PAPPA: variants seen among roughly 807,000 people sequenced by gnomAD.
The protein encoded by PAPPA is pappalysin-1.
In PAPPA, 60 loss-of-function variants were observed where a neutral mutation model predicts 164.0. The observed-to-expected ratio is 0.37, with a 90% confidence interval of 0.30 to 0.45. PAPPA has a LOEUF of 0.45. PAPPA is among the 20% of genes least tolerant of loss of function. PAPPA has a pLI of 1.00. For missense variants in PAPPA, 1,782 were observed against 2,087.3 expected, an observed-to-expected ratio of 0.85 and a Z score of 2.85; for synonymous variants, 875 against 814.1, an observed-to-expected ratio of 1.07 and a Z score of -1.27.
At chr9:116,186,642 G>A (rs937071585) in intron 1 of PAPPA, among the ~76,000 whole-genome samples, 2 of 152,038 alleles carry the variant, frequency 1.3e-5, no homozygotes, top group Non-Finnish European at 2.9e-5. Context: ...TGGTAACTAT[G>A]GTAGGGACCT....
intron 7 of PAPPA, among the ~76,000 whole-genome samples, chr9:116,251,004 T>TAG (rs1440958767): frequency 6.6e-6 from 1 of 152,096 alleles, no homozygotes; most frequent in African/African-American, 2.4e-5. Context: ...GGGGTTGGTA[T>TAG]AGGAAATGAG....
At position 116,344,714 on chromosome 9, in the gene PAPPA, A is replaced by G. The variant is rs775128692; in HGVS notation, c.3780+3A>G. On this transcript the variant is annotated splice_donor_region_variant and intron_variant, in intron 14 of 21. Coordinates refer to ENST00000328252, the MANE Select transcript of PAPPA (RefSeq NM_002581.5). ...ATGATGAGCTGATCAAGAGCCAGGT[A>G]TGTGCAGGTGCTGAGCTCAGAGCCT... is the stretch of plus-strand genomic sequence containing the variant. The G allele has an allele frequency of 3.7e-6, 6 of 1,612,688 alleles. No individual in the cohort carries two copies. The highest frequency in any genetic ancestry group is 5.1e-6 in the Non-Finnish European group (6 of 1,179,112).
intron 6 of PAPPA, among the ~76,000 whole-genome samples, chr9:116,231,159 T>C: frequency 6.6e-6 from 1 of 152,184 alleles, no homozygotes; most frequent in African/African-American, 2.4e-5. Context: ...TATAAATATA[T>C]GTCTATACAC....
intron 1 of PAPPA, among the ~76,000 whole-genome samples, chr9:116,175,848 C>T (rs1843827868): frequency 6.6e-6 from 1 of 151,898 alleles, no homozygotes; most frequent in Non-Finnish European, 1.5e-5. Flanking sequence ...GTGATCATTG[C>T]CATGAAAAAA....
intron 17 of PAPPA, among the ~76,000 whole-genome samples, chr9:116,357,163 A>G (rs1000794052): frequency 1.3e-5 from 2 of 152,256 alleles, no homozygotes; most frequent in Non-Finnish European, 2.9e-5. Flanking sequence ...TATCTGTGCC[A>G]GGCAAATGAT....
At position 116,378,471 on chromosome 9, in the gene PAPPA, T is replaced by C. The variant is rs370391186; in HGVS notation, c.4677+824T>C. The stretch of plus-strand genomic sequence containing the variant: ...TCTCTGTGGTTCATCCAGAGCCCAC[T>C]GAGGCAAACGCAGGTGAAAAGGATC... On this transcript the variant is annotated intron_variant, in intron 20 of 21. Coordinates refer to ENST00000328252, the MANE Select transcript of PAPPA (RefSeq NM_002581.5). Among the ~76,000 whole-genome samples the C allele has an allele frequency of 5.4e-4, 83 of 152,312 alleles. 1 individual carries two copies. In the South Asian group the frequency reaches 8.1e-3, roughly 15 times the overall value.
At chr9:116,351,657 A>G (rs1846283934) in intron 15 of PAPPA, among the ~76,000 whole-genome samples, 1 of 152,214 alleles carries the variant, frequency 6.6e-6, no homozygotes, top group Non-Finnish European at 1.5e-5. Flanking sequence ...TTTGCCAACT[A>G]TGATAACTTG....
intron 13 of PAPPA, among the ~76,000 whole-genome samples, chr9:116,343,572 A>T (rs1198230213): frequency 6.6e-6 from 1 of 152,144 alleles, no homozygotes; most frequent in Non-Finnish European, 1.5e-5. Flanking sequence ...AATGATGTGT[A>T]AGTTATCTTA....
chr9:116,366,503 C>T (rs1020279829), intron 18 of PAPPA, among the ~76,000 whole-genome samples: 3 of 152,210 alleles, frequency 2.0e-5, no homozygotes, highest in Non-Finnish European at 2.9e-5. Flanking sequence ...CTTCATACGA[C>T]ACCTAAATGC....
At chr9:116,320,801 C>T (rs186154059) in intron 10 of PAPPA, among the ~76,000 whole-genome samples, 3 of 152,088 alleles carry the variant, frequency 2.0e-5, no homozygotes, top group East Asian at 1.9e-4. Flanking sequence ...TGTTAACCCT[C>T]GGCTTCCCTT....
chr9:116,384,662 C>A (rs779707897), intron 21 of PAPPA, among the ~76,000 whole-genome samples: 1 of 152,076 alleles, frequency 6.6e-6, no homozygotes, highest in Non-Finnish European at 1.5e-5. Flanking sequence ...ACTTTTATAG[C>A]TCTAATTATT....
At chr9:116,327,503 C>T (rs1432613614) in intron 10 of PAPPA, among the ~76,000 whole-genome samples, 4 of 152,074 alleles carry the variant, frequency 2.6e-5, no homozygotes, top group Admixed American at 2.6e-4. Flanking sequence ...ATATAACTCT[C>T]CTGCATGTCT....
At chr9:116,390,786 C>T (rs1029404509) in intron 21 of PAPPA, among the ~76,000 whole-genome samples, 7 of 152,016 alleles carry the variant, frequency 4.6e-5, no homozygotes, top group African/African-American at 1.7e-4. Flanking sequence ...GGAATCCAGC[C>T]CTTCTATCCC....
intron 10 of PAPPA, among the ~76,000 whole-genome samples, chr9:116,327,641 C>A (rs183876526): frequency 6.6e-6 from 1 of 152,202 alleles, no homozygotes; most frequent in East Asian, 1.9e-4. Flanking sequence ...AAATCAGTCA[C>A]CTTGGGGATC....
rs1587931265 is a variant in PAPPA at position 116,154,729 on chromosome 9, C to T, written c.415+142C>T. On this transcript the variant is annotated intron_variant, in intron 1 of 21. Transcript: ENST00000328252. The surrounding 1 kb of genome is among the most constrained non-coding windows in gnomAD (Gnocchi z 5.2). ...TGCCCCGCGAGCGGCGCAGAGACAT[C>T]CGGGCGAGCTGAGAGCCTCACTTTG... is the stretch of plus-strand genomic sequence containing the variant. 1 of 408,060 alleles carries T rather than the reference C, an allele frequency of 2.5e-6. No homozygotes were observed. The highest frequency in any genetic ancestry group is 2.9e-6 in the Non-Finnish European group (1 of 340,904). The allele number at this position is 408,060 out of a possible 1,614,324, so 25.3% of individuals were successfully genotyped here.
chr9:116,373,837 G>A (rs1846608821), intron 19 of PAPPA: 2 of 152,144 alleles, frequency 1.3e-5, no homozygotes, highest in Non-Finnish European at 2.9e-5. Context: ...CTATGTGTAC[G>A]ATTTGGGGCA....
intron 9 of PAPPA, among the ~76,000 whole-genome samples, chr9:116,278,168 T>G (rs1845224147): frequency 6.6e-6 from 1 of 152,204 alleles, no homozygotes; most frequent in South Asian, 2.1e-4. Context: ...TTATTCCATT[T>G]ATTAGATACC....
intron 10 of PAPPA, among the ~76,000 whole-genome samples, chr9:116,311,649 C>G (rs1845719108): frequency 6.6e-6 from 1 of 152,186 alleles, no homozygotes. Context: ...TTTCAGTTTT[C>G]TGAGCCTCAA....
At chr9:116,290,381 T>G (rs972378337) in intron 9 of PAPPA, among the ~76,000 whole-genome samples, 1 of 151,588 alleles carries the variant, frequency 6.6e-6, no homozygotes, top group Admixed American at 6.6e-5. Context: ...TTTTTTTTCA[T>G]GTTTCCCCTC....
Sources: gnomAD v4.1 joint callset for allele counts (sites outside exome capture counted in the v4.1 genomes callset) on GRCh38, gnomAD v4.1.1 for gene constraint, Gnocchi (gnomAD v3.1) non-coding constraint, MANE v1.5 for transcripts, NCBI Gene and HGNC (gene_info 2026-07-23, HGNC 2026-07-21) for gene names.